The following SYK variants were observed in gnomAD, a reference collection of about 807,000 sequenced individuals.
The protein encoded by SYK is spleen associated tyrosine kinase.
Under a neutral mutation model 77.8 loss-of-function variants are expected in SYK, and 16 were observed. That is an observed-to-expected ratio of 0.21 (90% CI 0.14 to 0.31). SYK has a LOEUF of 0.31. SYK is among the 10% of genes least tolerant of loss of function. The pLI, the probability that SYK is intolerant of heterozygous loss-of-function variation, is 1.00. For synonymous variants in SYK, 312 were observed against 308.7 expected (o/e 1.01, Z -0.11); for missense variants, 529 against 814.4 (o/e 0.65, Z 4.26).
intron 1 of SYK, among the ~76,000 whole-genome samples, chr9:90,813,869 C>T (rs1825189002): frequency 6.6e-6 from 1 of 152,158 alleles, no homozygotes; most frequent in Non-Finnish European, 1.5e-5. Context: ...TAATAAGCAA[C>T]ACATAGGGGG....
intron 1 of SYK, among the ~76,000 whole-genome samples, chr9:90,812,426 G>A (rs551040436): frequency 6.6e-6 from 1 of 152,278 alleles, no homozygotes; most frequent in East Asian, 1.9e-4. Flanking sequence ...TCTCAAACAT[G>A]CTTGCACCCT....
rs57651872 is a variant in SYK at position 90,896,203 on chromosome 9, GA to G, written c.*615del. Reference sequence around the variant, plus strand: ...GTAGCCAGTTAAGGAAAGAAAGAAAGAAAAAAAAAAAAGGCCTGGATACTGC... The same window carrying G: ...GTAGCCAGTTAAGGAAAGAAAGAAAGAAAAAAAAAAAGGCCTGGATACTGC... On this transcript the variant is annotated 3_prime_UTR_variant, in exon 14 of 14. Coordinates refer to ENST00000375754, the MANE Select transcript of SYK (RefSeq NM_003177.7). The G allele has an allele frequency of 0.026, 4,734 of 184,358 alleles. 7 individuals carry two copies. Among genetic ancestry groups the G allele is most frequent in the Middle Eastern group, 0.056 (31 of 550 alleles). 11.4% of individuals were successfully genotyped at this position (184,358 alleles called of 1,614,324 possible).
intron 13 of SYK, among the ~76,000 whole-genome samples, chr9:90,889,707 C>T (rs1828718749): frequency 6.6e-6 from 1 of 152,256 alleles, no homozygotes; most frequent in Admixed American, 6.5e-5. Context: ...GGAGCCTGGC[C>T]TGGGCCCCGG....
chr9:90,804,735 A>G (rs993244099), intron 1 of SYK, among the ~76,000 whole-genome samples: 1 of 152,192 alleles, frequency 6.6e-6, no homozygotes, highest in Non-Finnish European at 1.5e-5. Flanking sequence ...AAATTGCCTC[A>G]TTTGTGTCTT....
At chr9:90,875,691 G>C (rs950771544) in intron 9 of SYK, among the ~76,000 whole-genome samples, 9 of 151,996 alleles carry the variant, frequency 5.9e-5, no homozygotes, top group African/African-American at 9.7e-5. Flanking sequence ...TTTATCCTAT[G>C]ATTTCAGATA....
At chr9:90,860,218 T>C (rs1158187015) in intron 3 of SYK, among the ~76,000 whole-genome samples, 1 of 152,204 alleles carries the variant, frequency 6.6e-6, no homozygotes, top group Non-Finnish European at 1.5e-5. Context: ...TTATAGGAAA[T>C]ACTTTGGAGT....
intron 1 of SYK, among the ~76,000 whole-genome samples, chr9:90,834,380 A>T (rs1337105334): frequency 1.3e-5 from 2 of 152,182 alleles, no homozygotes; most frequent in Non-Finnish European, 2.9e-5. Context: ...AATTAGTTAC[A>T]GTGGCTTTGG....
intron 3 of SYK, among the ~76,000 whole-genome samples, chr9:90,861,195 T>A (rs540875165): frequency 6.6e-6 from 1 of 152,246 alleles, no homozygotes; most frequent in Non-Finnish European, 1.5e-5. Context: ...CCACAGGTCT[T>A]CCAGGGGATC....
intron 12 of SYK, 24 bp downstream of exon 12, chr9:90,887,913 C>T: frequency 6.4e-7 from 1 of 1,561,066 alleles, no homozygotes; most frequent in South Asian, 1.2e-5. Flanking sequence ...GCTTCATTTT[C>T]TCACTGTGGG....
At chr9:90,802,832 TGAA>T (rs1826783492) in intron 1 of SYK, among the ~76,000 whole-genome samples, 1 of 13,500 alleles carries the variant, frequency 7.4e-5, no homozygotes, top group Non-Finnish European at 1.4e-4. Flanking sequence ...AAAAAAGAGT[TGAA>T]GATGTTGTGC....
intron 13 of SYK, among the ~76,000 whole-genome samples, chr9:90,889,896 G>A (rs530191343): frequency 6.6e-6 from 1 of 152,262 alleles, no homozygotes; most frequent in Non-Finnish European, 1.5e-5. Context: ...ACTGGACCCT[G>A]GGGAGGGCAG....
In SYK at chr9:90,867,131, A is replaced by G; in HGVS notation, c.847A>G (p.Thr283Ala). ...RPQLPGSHPA[T>A]WSAGGIISRI... ...TCCTCTTTGCCGTTGTGGTTTCTAG[A>G]CTTGGTCAGCGGGTGGAATAATCTC... The change falls in exon 7 of 14, where the codon ACT becomes GCT. Residue 283 changes from threonine to alanine, a missense_variant and splice_region_variant. Thr to Ala is a moderately conservative substitution (Grantham distance 58, BLOSUM62 0). This residue lies in a region of SYK where 321 missense variants were observed against 433.1 expected (regional missense o/e 0.74). Coordinates refer to ENST00000375754, the MANE Select transcript of SYK (RefSeq NM_003177.7). The G allele has an allele frequency of 1.9e-6, 3 of 1,614,040 alleles. No individual in the cohort carries two copies. The highest frequency in any genetic ancestry group is 2.5e-6 in the Non-Finnish European group (3 of 1,180,000).
chr9:90,828,902 C>T (rs765452517), intron 1 of SYK, among the ~76,000 whole-genome samples: 27 of 152,128 alleles, frequency 1.8e-4, no homozygotes, highest in African/African-American at 5.3e-4. Context: ...TCACACTGAA[C>T]GTGGTCAACT....
intron 6 of SYK, among the ~76,000 whole-genome samples, chr9:90,865,778 T>C (rs1347857933): frequency 1.3e-5 from 2 of 152,112 alleles, no homozygotes; most frequent in Admixed American, 6.5e-5. Flanking sequence ...TTAACACACG[T>C]AATTCACAGG....
intron 3 of SYK, among the ~76,000 whole-genome samples, chr9:90,855,562 C>A (rs1405712095): frequency 6.6e-6 from 1 of 152,054 alleles, no homozygotes; most frequent in Non-Finnish European, 1.5e-5. Flanking sequence ...AAATGGGGTG[C>A]AAAACTTCTC....
At chr9:90,876,741 A>G (rs918726682) in intron 9 of SYK, among the ~76,000 whole-genome samples, 1 of 152,206 alleles carries the variant, frequency 6.6e-6, no homozygotes, top group Non-Finnish European at 1.5e-5. Flanking sequence ...TTCAATCTAT[A>G]AACACAGCCC....
intron 11 of SYK, among the ~76,000 whole-genome samples, chr9:90,884,368 TACAC>T (rs1233879024): frequency 7.0e-6 from 1 of 143,356 alleles, no homozygotes; most frequent in Non-Finnish European, 1.5e-5. Context: ...TATACATACA[TACAC>T]ACATACGTGT....
chr9:90,879,981 C>G (rs1419648702), intron 11 of SYK, among the ~76,000 whole-genome samples: 2 of 152,206 alleles, frequency 1.3e-5, no homozygotes, highest in Non-Finnish European at 2.9e-5. Context: ...TCTATGTTAA[C>G]CAACTGGAAA....
In SYK at chr9:90,886,267, T is replaced by C. The variant is rs190609674; in HGVS notation, c.1582-1482T>C. Among the ~76,000 whole-genome samples, 119 of 152,308 alleles carry C rather than the reference T, an allele frequency of 7.8e-4. 2 individuals carry two copies. The highest frequency in any genetic ancestry group is 4.7e-3 in the Admixed American group (72 of 15,304). On this transcript the variant is annotated intron_variant, in intron 11 of 13. Coordinates refer to ENST00000375754, the MANE Select transcript of SYK (RefSeq NM_003177.7). ...ATTACAAACACAATGAGATACCATC[T>C]TACCCCGGCTAGAATGGCTGTTATT...
Sources: gnomAD v4.1 joint callset for allele counts (sites outside exome capture counted in the v4.1 genomes callset) on GRCh38, gnomAD v4.1.1 for gene constraint, gnomAD v4.1.1 regional missense constraint, MANE v1.5 for transcripts, NCBI Gene and HGNC (gene_info 2026-07-23, HGNC 2026-07-21) for gene names.